The following ZMYND8 variants were observed in gnomAD, a reference collection of about 807,000 sequenced individuals.
ZMYND8 encodes the protein MYND-type zinc finger-containing chromatin reader ZMYND8.
Under a neutral mutation model 140.8 loss-of-function variants are expected in ZMYND8, and 37 were observed. That is an observed-to-expected ratio of 0.26 (90% CI 0.20 to 0.35). The LOEUF is 0.35. ZMYND8 is among the 10% of genes least tolerant of loss of function. The pLI, the probability that ZMYND8 is intolerant of heterozygous loss-of-function variation, is 1.00. For synonymous variants in ZMYND8, 592 were observed against 597.1 expected (o/e 0.99, Z 0.12); for missense variants, 1,068 against 1,570.0 (o/e 0.68, Z 5.40).
chr20:47,335,937 C>A (rs1018571091), intron 2 of ZMYND8, among the ~76,000 whole-genome samples: 1 of 152,198 alleles, frequency 6.6e-6, no homozygotes, highest in Non-Finnish European at 1.5e-5. Context: ...CAAATAAATT[C>A]TTTCCACTGC....
chr20:47,334,704 C>T (rs546798537), intron 2 of ZMYND8, among the ~76,000 whole-genome samples: 11 of 151,720 alleles, frequency 7.3e-5, no homozygotes, highest in Non-Finnish European at 1.5e-4. Flanking sequence ...CCACGTCCCA[C>T]GTTCAAGCAA....
intron 1 of ZMYND8, chr20:47,348,401 G>A (rs1602162273): frequency 5.8e-6 from 1 of 172,946 alleles, no homozygotes; most frequent in Non-Finnish European, 1.2e-5. Flanking sequence ...GATGAGGCAG[G>A]AACATGGGAA....
chr20:47,266,086 G>A (rs537590079), intron 11 of ZMYND8, among the ~76,000 whole-genome samples: 2 of 152,134 alleles, frequency 1.3e-5, no homozygotes, highest in Admixed American at 1.3e-4. Flanking sequence ...CAAGCCTCAC[G>A]CTGCAAAACC....
At chr20:47,254,100 G>A (rs921869841) in intron 12 of ZMYND8, among the ~76,000 whole-genome samples, 3 of 152,186 alleles carry the variant, frequency 2.0e-5, no homozygotes, top group Admixed American at 6.5e-5. Flanking sequence ...GTAGCTTATC[G>A]GGACTTCTTC....
intron 6 of ZMYND8, among the ~76,000 whole-genome samples, chr20:47,291,062 TTAATATA>T (rs2077234314): frequency 2.6e-5 from 4 of 152,186 alleles, no homozygotes; most frequent in African/African-American, 9.7e-5. Flanking sequence ...CTTAACTTAA[TTAATATA>T]AAGTCAGGTT....
At chr20:47,267,267 T>TG (rs1189035995) in intron 11 of ZMYND8, among the ~76,000 whole-genome samples, 44 of 132,738 alleles carry the variant, frequency 3.3e-4, no homozygotes, top group Middle Eastern at 3.5e-3. Flanking sequence ...TGGAAGTTTG[T>TG]GGGGGATGGG....
intron 15 of ZMYND8, 153 bp downstream of exon 15, chr20:47,238,605 T>G (rs1221091199): frequency 7.3e-7 from 1 of 1,371,434 alleles, no homozygotes; most frequent in African/African-American, 1.5e-5. Context: ...TTTTTAAAAA[T>G]AATGCCAAAT....
chr20:47,257,488 CAT>C (rs911097341), intron 12 of ZMYND8, among the ~76,000 whole-genome samples: 3 of 151,810 alleles, frequency 2.0e-5, no homozygotes, highest in African/African-American at 7.3e-5. Flanking sequence ...ACAACACACA[CAT>C]ACATACTTAT....
intron 14 of ZMYND8, among the ~76,000 whole-genome samples, chr20:47,239,497 T>G (rs1025061104): frequency 2.6e-5 from 4 of 152,186 alleles, no homozygotes; most frequent in African/African-American, 9.7e-5. Context: ...TTCACGCCCT[T>G]TTCGCAAAGT....
rs908816084 is a variant in ZMYND8 at position 47,318,988 on chromosome 20, CCT to C, written c.86-8786_86-8785del. On this transcript the variant is annotated intron_variant, in intron 2 of 22. Transcript: ENST00000471951. Reference sequence around the variant, plus strand: ...AAGTGCGGCTGCTCAGAGGGCCTAGCCTCTCTTGTTCAAAAGAGAACAGAGGC... The same window carrying C: ...AAGTGCGGCTGCTCAGAGGGCCTAGCCTCTTGTTCAAAAGAGAACAGAGGC... 1.3e-5 allele frequency: 17 copies of C among 1,351,382 alleles called. No individual in the cohort carries two copies. In the African/African-American group the frequency reaches 2.2e-4, roughly 18 times the overall value. The allele number at this position is 1,351,382 out of a possible 1,614,324, so 83.7% of individuals were successfully genotyped here. A position where few individuals can be genotyped will look rare whatever the true frequency, so the allele number is the denominator to read the frequency against.
intron 13 of ZMYND8, among the ~76,000 whole-genome samples, chr20:47,246,963 C>T (rs780021096): frequency 6.6e-6 from 1 of 152,068 alleles, no homozygotes; most frequent in Non-Finnish European, 1.5e-5. Flanking sequence ...ACCCCGGGTT[C>T]CTGGCTCCCC....
intron 12 of ZMYND8, among the ~76,000 whole-genome samples, chr20:47,251,975 G>T (rs576083275): frequency 6.6e-6 from 1 of 151,418 alleles, no homozygotes; most frequent in African/African-American, 2.4e-5. Context: ...TAAATTAAAA[G>T]TTTATTTAAA....
intron 2 of ZMYND8, among the ~76,000 whole-genome samples, chr20:47,323,878 G>A (rs1308441707): frequency 6.6e-6 from 1 of 151,988 alleles, no homozygotes; most frequent in East Asian, 1.9e-4. Context: ...GAGCCTCAGA[G>A]TCCTAGTCAT....
intron 11 of ZMYND8, among the ~76,000 whole-genome samples, chr20:47,268,619 A>G (rs1006387811): frequency 1.3e-5 from 2 of 151,830 alleles, no homozygotes; most frequent in Non-Finnish European, 2.9e-5. Flanking sequence ...TCTACTAAAA[A>G]TACAACAAGC....
intron 14 of ZMYND8, among the ~76,000 whole-genome samples, chr20:47,245,631 G>A (rs770742525): frequency 1.1e-4 from 16 of 152,236 alleles, no homozygotes; most frequent in Non-Finnish European, 2.1e-4. Context: ...CATTTGACAA[G>A]ATCCAAATGT....
chr20:47,271,838 C>T (rs535771074), intron 11 of ZMYND8, among the ~76,000 whole-genome samples: 7 of 152,178 alleles, frequency 4.6e-5, no homozygotes, highest in Admixed American at 1.3e-4. Context: ...TGTGCCACCA[C>T]GCCTGGCTAA....
chr20:47,331,884 C>A (rs1199874725), intron 2 of ZMYND8, among the ~76,000 whole-genome samples: 1 of 152,112 alleles, frequency 6.6e-6, no homozygotes, highest in Non-Finnish European at 1.5e-5. Flanking sequence ...GCTTGCAGGA[C>A]AAAGACAGGA....
intron 2 of ZMYND8, among the ~76,000 whole-genome samples, chr20:47,336,809 C>T (rs958430974): frequency 3.9e-5 from 6 of 152,160 alleles, no homozygotes; most frequent in Non-Finnish European, 7.4e-5. Flanking sequence ...CTGGCCACAG[C>T]GGATGAGCCA....
intron 12 of ZMYND8, 24 bp from the exon 13 acceptor site, chr20:47,249,463 G>A (rs200342177): frequency 3.1e-6 from 5 of 1,612,312 alleles, no homozygotes; most frequent in East Asian, 2.2e-5. Flanking sequence ...TCACACCCTC[G>A]TAAGATCAGG....
Sources: allele counts gnomAD v4.1 joint callset (sites outside exome capture counted in the v4.1 genomes callset), GRCh38; gene constraint gnomAD v4.1.1; transcripts MANE v1.5; gene names NCBI Gene and HGNC (gene_info 2026-07-23, HGNC 2026-07-21).